The following CCSER1 variants were observed in gnomAD, a reference collection of about 807,000 sequenced individuals.
CCSER1 encodes the protein coiled-coil serine rich protein 1, also known as serine-rich coiled-coil domain-containing protein 1.
A neutral mutation model predicts 82.0 loss-of-function variants in CCSER1; 41 were observed. The ratio of observed to expected loss-of-function variants is 0.50; its 90% CI spans 0.39 to 0.65. The LOEUF (loss-of-function observed/expected upper bound fraction) is 0.65. Ranked by LOEUF, CCSER1 falls within the 30% of genes least tolerant of loss-of-function variation. The pLI is 0.00. For missense variants in CCSER1, 1,119 were observed against 1,064.2 expected, an observed-to-expected ratio of 1.05 and a Z score of -0.72; for synonymous variants, 414 against 383.9, an observed-to-expected ratio of 1.08 and a Z score of -0.92.
intron 3 of CCSER1, among the ~76,000 whole-genome samples, chr4:90,385,460 G>GTTT (rs199523272): frequency 1.5e-5 from 2 of 134,910 alleles, no homozygotes; most frequent in Non-Finnish European, 3.2e-5. Flanking sequence ...TCTCGGTGTA[G>GTTT]TTTTTTTTTT....
intron 1 of CCSER1, among the ~76,000 whole-genome samples, chr4:90,219,802 TTAAA>T (rs1741785523): frequency 6.6e-6 from 1 of 152,214 alleles, no homozygotes; most frequent in African/African-American, 2.4e-5. Flanking sequence ...TATCCCATGC[TTAAA>T]TAAAGTTATT....
chr4:91,307,434 C>A (rs1386223862), intron 10 of CCSER1, among the ~76,000 whole-genome samples: 1 of 151,722 alleles, frequency 6.6e-6, no homozygotes. Flanking sequence ...TATCATTATA[C>A]TATTAAATTT....
At chr4:91,520,536 C>A (rs1423506932) in intron 10 of CCSER1, among the ~76,000 whole-genome samples, 1 of 152,130 alleles carries the variant, frequency 6.6e-6, no homozygotes, top group Admixed American at 6.5e-5. Context: ...TTTTAACTTA[C>A]ATATGAAAAG....
intron 3 of CCSER1, among the ~76,000 whole-genome samples, chr4:90,398,577 G>A (rs935696863): frequency 6.6e-6 from 1 of 151,530 alleles, no homozygotes; most frequent in Non-Finnish European, 1.5e-5. Context: ...TGTTGTTGTT[G>A]TTTTAATTTT....
At chr4:91,544,669 G>A (rs1761788887) in intron 10 of CCSER1, among the ~76,000 whole-genome samples, 1 of 152,246 alleles carries the variant, frequency 6.6e-6, no homozygotes, top group East Asian at 1.9e-4. Context: ...TTATTCCTCT[G>A]GAACTTTGTC....
chr4:90,851,048 TC>T (rs1763821818), intron 8 of CCSER1, among the ~76,000 whole-genome samples: 1 of 152,132 alleles, frequency 6.6e-6, no homozygotes, highest in South Asian at 2.1e-4. Context: ...AAAAGGGGCT[TC>T]CCCCTTCACT....
chr4:90,449,095 A>C (rs1761092992), intron 4 of CCSER1, among the ~76,000 whole-genome samples: 2 of 152,148 alleles, frequency 1.3e-5, no homozygotes, highest in African/African-American at 4.8e-5. Flanking sequence ...GCTCCTCTCC[A>C]CAGGCAGGTC....
chr4:90,874,606 A>G (rs1353825926), intron 8 of CCSER1, among the ~76,000 whole-genome samples: 1 of 152,150 alleles, frequency 6.6e-6, no homozygotes, highest in African/African-American at 2.4e-5. Context: ...AACTTTGTCT[A>G]AGTATTTCAC....
Position 91,286,043 on chromosome 4 carries a change from G to GT in CCSER1, c.2217+200059dup, listed in dbSNP as rs201671185. On this transcript the variant is annotated intron_variant, in intron 10 of 10. Coordinates refer to ENST00000509176, the MANE Select transcript of CCSER1 (RefSeq NM_001145065.2). Reference sequence around the variant, plus strand: ...TTCCTGAAGTTACAATTAAAGTTTAGTTTTTTTTTTAATTCAGTTTTAAGG... The same window carrying GT: ...TTCCTGAAGTTACAATTAAAGTTTAGTTTTTTTTTTTAATTCAGTTTTAAGG... Among the ~76,000 whole-genome samples, 564 of 145,914 alleles carry GT rather than the reference G, an allele frequency of 3.9e-3. 5 individuals are homozygous for GT. The highest frequency in any genetic ancestry group is 0.011 in the African/African-American group (442 of 40,062).
intron 10 of CCSER1, among the ~76,000 whole-genome samples, chr4:91,194,812 T>A (rs1009352525): frequency 2.0e-5 from 3 of 152,226 alleles, no homozygotes; most frequent in African/African-American, 7.2e-5. Context: ...AGGTCAAATG[T>A]GCAATCCACA....
At chr4:90,627,364 T>C (rs1375991526) in intron 5 of CCSER1, among the ~76,000 whole-genome samples, 1 of 151,980 alleles carries the variant, frequency 6.6e-6, no homozygotes, top group Non-Finnish European at 1.5e-5. Flanking sequence ...TTTTTCTCTA[T>C]TTAGGTTGCT....
rs572556719 is a variant in CCSER1 at position 90,493,790 on chromosome 4, G to A, written c.1724+25436G>A. 2.2e-4 allele frequency among the ~76,000 whole-genome samples: 34 copies of A among 152,124 alleles called. No individual in the cohort carries two copies. The East Asian group carries it at 3.7e-3, about 16-fold the overall frequency. On this transcript the variant is annotated intron_variant, in intron 5 of 10. Transcript: ENST00000509176. ...GCACTAAACATGGAAAGGAACAACC[G>A]GTACCAGCTACTGCAAAAACATGCT...
intron 9 of CCSER1, among the ~76,000 whole-genome samples, chr4:91,010,309 C>A (rs1028196029): frequency 2.3e-4 from 35 of 152,178 alleles, no homozygotes; most frequent in Non-Finnish European, 4.6e-4. Flanking sequence ...ATGCATCCGA[C>A]TTGATGTGTT....
chr4:90,906,929 A>T (rs190454158), intron 8 of CCSER1, among the ~76,000 whole-genome samples: 196 of 152,226 alleles, frequency 1.3e-3, no homozygotes, highest in African/African-American at 3.7e-3. Flanking sequence ...GTGTGAATGT[A>T]TTTGTATGTG....
intron 4 of CCSER1, among the ~76,000 whole-genome samples, chr4:90,411,120 A>G (rs1754705127): frequency 6.6e-6 from 1 of 152,202 alleles, no homozygotes; most frequent in Non-Finnish European, 1.5e-5. Flanking sequence ...TCTGAAATTG[A>G]GGCAATAATT....
At chr4:90,711,882 T>C (rs1437838165) in intron 6 of CCSER1, among the ~76,000 whole-genome samples, 1 of 151,968 alleles carries the variant, frequency 6.6e-6, no homozygotes, top group Non-Finnish European at 1.5e-5. Flanking sequence ...TTTTAATTTC[T>C]TGGTATAGTT....
intron 9 of CCSER1, among the ~76,000 whole-genome samples, chr4:91,071,386 G>A (rs1174830535): frequency 2.0e-5 from 3 of 152,116 alleles, no homozygotes; most frequent in Admixed American, 6.6e-5. Flanking sequence ...GAGAAGGTGA[G>A]ATACAAACAA....
At chr4:90,929,837 A>G (rs1729506337) in intron 9 of CCSER1, among the ~76,000 whole-genome samples, 1 of 152,210 alleles carries the variant, frequency 6.6e-6, no homozygotes, top group South Asian at 2.1e-4. Context: ...AATTAATGAT[A>G]ATGTATTATG....
At chr4:90,575,974 G>C (rs1297024361) in intron 5 of CCSER1, among the ~76,000 whole-genome samples, 1 of 151,690 alleles carries the variant, frequency 6.6e-6, no homozygotes, top group Non-Finnish European at 1.5e-5. Context: ...ATTAGGGTAA[G>C]CCCTTTTACT....
Sources: allele counts gnomAD v4.1 joint callset (sites outside exome capture counted in the v4.1 genomes callset), GRCh38; gene constraint gnomAD v4.1.1; transcripts MANE v1.5; gene names NCBI Gene and HGNC (gene_info 2026-07-23, HGNC 2026-07-21).